IFI27L1: variants seen among roughly 807,000 people sequenced by gnomAD.
The protein encoded by IFI27L1 is interferon alpha inducible protein 27 like 1.
Under a neutral mutation model 9.2 loss-of-function variants are expected in IFI27L1, and 3 were observed. The observed-to-expected ratio is 0.32, with a 90% CI of 0.15 to 0.84. IFI27L1 has a LOEUF of 0.84. Ranked by LOEUF, IFI27L1 falls within the 40% of genes least tolerant of loss-of-function variation. The probability of loss-of-function intolerance (pLI) is 0.56; values close to 1 mark genes in which losing one functional copy is unlikely to be tolerated. For missense variants in IFI27L1, 133 were observed against 134.2 expected, an observed-to-expected ratio of 0.99 and a Z score of 0.05; for synonymous variants, 53 against 50.0, an observed-to-expected ratio of 1.06 and a Z score of -0.26.
chr14:94,101,791 C>T, intron 3 of IFI27L1, 23 bp from the exon 4 acceptor site: 1 of 1,613,704 alleles, frequency 6.2e-7, no homozygotes, highest in Non-Finnish European at 8.5e-7. Context: ...ATGGGGCCAA[C>T]CCCAAATCTC....
chr14:94,082,863 A>G (rs1285298063), intron 1 of IFI27L1, among the ~76,000 whole-genome samples: 3 of 152,246 alleles, frequency 2.0e-5, no homozygotes, highest in Non-Finnish European at 4.4e-5. Flanking sequence ...TGTTGTTTTC[A>G]TGTCTGTGAA....
At position 94,101,881 on chromosome 14, in the gene IFI27L1, A is replaced by G. The variant is rs1430609681; in HGVS notation, c.129A>G (p.Ala43=). ...GCTTCACCTCAGTAGGAATCGCCGC[A>G]TCCTCCATAGCAGCCAAGATGATGT... The part of the protein sequence containing the change: ...AMGFTSVGIA[A]SSIAAKMMST... Residue 43 remains alanine (A), a synonymous_variant, in exon 4 of 5, where the codon GCA becomes GCG. Coordinates refer to ENST00000555523, the MANE Select transcript of IFI27L1 (RefSeq NM_206949.3). 1 of 1,614,226 alleles carries G rather than the reference A, an allele frequency of 6.2e-7. No individual in the cohort carries two copies. The highest frequency in any genetic ancestry group is 2.2e-5 in the East Asian group (1 of 44,880).
intron 1 of IFI27L1, among the ~76,000 whole-genome samples, chr14:94,087,964 C>T (rs2141447330): frequency 6.6e-6 from 1 of 152,324 alleles, no homozygotes. Context: ...AGGATCACTA[C>T]TCCTTTCCTC....
intron 1 of IFI27L1, chr14:94,088,416 A>G: frequency 1.4e-6 from 1 of 693,210 alleles, no homozygotes; most frequent in Non-Finnish European, 2.6e-6. Context: ...TTGGTGGCCC[A>G]CTTTTAGGGT....
intron 1 of IFI27L1, among the ~76,000 whole-genome samples, chr14:94,085,529 T>G (rs1020675285): frequency 6.6e-6 from 1 of 152,150 alleles, no homozygotes; most frequent in Non-Finnish European, 1.5e-5. Context: ...AGGTGATAAG[T>G]TGGGGGAAAA....
chr14:94,086,049 TG>T (rs1374077692), intron 1 of IFI27L1, among the ~76,000 whole-genome samples: 7 of 152,342 alleles, frequency 4.6e-5, no homozygotes, highest in Admixed American at 1.3e-4. Flanking sequence ...TCCCCAATGC[TG>T]GAGTTGGGGT....
chr14:94,091,954 T>C (rs1326165064), intron 1 of IFI27L1, among the ~76,000 whole-genome samples: 3 of 151,500 alleles, frequency 2.0e-5, no homozygotes, highest in Non-Finnish European at 4.4e-5. Context: ...TGAAACCCTG[T>C]CTCTACTAAA....
chr14:94,084,737 C>T (rs1886222696), intron 1 of IFI27L1, among the ~76,000 whole-genome samples: 1 of 152,172 alleles, frequency 6.6e-6, no homozygotes, highest in Non-Finnish European at 1.5e-5. Context: ...TTGAGAGTAT[C>T]TGTCTAGTGA....
chr14:94,101,868 T>A lies in IFI27L1; in HGVS notation c.116T>A (p.Val39Glu). The A allele has an allele frequency of 6.2e-7, 1 of 1,614,200 alleles. No individual in the cohort carries two copies. Among genetic ancestry groups the A allele is most frequent in the Non-Finnish European group, 8.5e-7 (1 of 1,180,034 alleles). Residue 39 changes from valine (V) to glutamate (E), a missense_variant, in exon 4 of 5, where the codon GTA becomes GAA. Transcript: ENST00000555523. ...CTCAGTGCCATGGGCTTCACCTCAG[T>A]AGGAATCGCCGCATCCTCCATAGCA... is the stretch of plus-strand genomic sequence containing the variant. ...VALSAMGFTS[V>E]GIAASSIAAK...
intron 2 of IFI27L1, chr14:94,097,481 A>G: frequency 1.7e-6 from 1 of 599,676 alleles, no homozygotes; most frequent in Non-Finnish European, 3.0e-6. Context: ...TAATTCTGAC[A>G]ACTTTCATAG....
rs560181601 is a variant in IFI27L1 at position 94,082,518 on chromosome 14, A to C, written c.-52+1069A>C. Among the ~76,000 whole-genome samples, 74 of 152,374 alleles carry C rather than the reference A, an allele frequency of 4.9e-4. 1 individual carries two copies. The highest frequency in any genetic ancestry group is 1.6e-3 in the African/African-American group (68 of 41,584). On this transcript the variant is annotated intron_variant, in intron 1 of 4. Transcript: ENST00000555523. ...CCATCAAGGACTTTCATAGCTAGAG[A>C]GGTCAATGTCTGGCCTCAAAGGCCA...
In IFI27L1 at chr14:94,087,081, A is replaced by C. The variant is rs1218751763; in HGVS notation, c.-52+5632A>C. Among the ~76,000 whole-genome samples the C allele has an allele frequency of 2.6e-5, 4 of 152,334 alleles. No individual in the cohort carries two copies. The East Asian group carries it at 7.7e-4, about 29-fold the overall frequency. On this transcript the variant is annotated intron_variant, in intron 1 of 4. Coordinates refer to ENST00000555523, the MANE Select transcript of IFI27L1 (RefSeq NM_206949.3). ...TTTTAAAGGAAAAATGAAGACAATTATGTAATTGTTTTGAAGCCAGATTAG... is the reference window on the plus strand; with the variant it reads ...TTTTAAAGGAAAAATGAAGACAATTCTGTAATTGTTTTGAAGCCAGATTAG...
intron 1 of IFI27L1, among the ~76,000 whole-genome samples, chr14:94,091,280 A>C (rs958014301): frequency 3.3e-5 from 5 of 152,250 alleles, no homozygotes; most frequent in Admixed American, 3.3e-4. Context: ...CCGCTATTAT[A>C]GCCACAATTG....
At chr14:94,094,655 G>C (rs1203002775) in intron 1 of IFI27L1, 1 of 152,144 alleles carries the variant, frequency 6.6e-6, no homozygotes, top group African/African-American at 2.4e-5. Context: ...GCCATCCCTT[G>C]TTTAGCATAT....
chr14:94,082,452 T>C (rs927039581), intron 1 of IFI27L1, among the ~76,000 whole-genome samples: 2 of 151,680 alleles, frequency 1.3e-5, no homozygotes, highest in Non-Finnish European at 2.9e-5. Flanking sequence ...GAACAGCAAG[T>C]AGTCAATGTA....
chr14:94,081,639 ACG>A (rs368833756), intron 1 of IFI27L1, among the ~76,000 whole-genome samples, 190 bp downstream of exon 1: 1 of 152,288 alleles, frequency 6.6e-6, no homozygotes, highest in African/African-American at 2.4e-5. Context: ...AAGAGGACGA[ACG>A]CGTCCATCCT....
intron 2 of IFI27L1, chr14:94,100,114 A>C (rs938649746): frequency 2.3e-4 from 47 of 207,966 alleles, no homozygotes; most frequent in African/African-American, 1.1e-3. Context: ...ATAAGAACTG[A>C]AAGACACGTT....
rs868518564 is a variant in IFI27L1, at chr14:94,087,261, C to T, written c.-52+5812C>T. Among the ~76,000 whole-genome samples, 28 of 152,240 alleles carry T rather than the reference C, an allele frequency of 1.8e-4. 1 individual carries two copies. Among genetic ancestry groups the T allele is most frequent in the African/African-American group, 6.5e-4 (27 of 41,556 alleles). Reference sequence around the variant, plus strand: ...GGTAGTTTCTGGGCAGATGTGCTCACGGAAGTATTTTTTGTGTAAGGTTGT... The same window carrying T: ...GGTAGTTTCTGGGCAGATGTGCTCATGGAAGTATTTTTTGTGTAAGGTTGT... On this transcript the variant is annotated intron_variant, in intron 1 of 4. Transcript: ENST00000555523.
At chr14:94,099,556 G>A (rs560421796) in intron 2 of IFI27L1, among the ~76,000 whole-genome samples, 31 of 152,268 alleles carry the variant, frequency 2.0e-4, no homozygotes, top group African/African-American at 7.5e-4. Flanking sequence ...AGGCACAGGA[G>A]GACCCTCCCT....
Sources: allele counts gnomAD v4.1 joint callset (sites outside exome capture counted in the v4.1 genomes callset), GRCh38; gene constraint gnomAD v4.1.1; transcripts MANE v1.5; gene names NCBI Gene and HGNC (gene_info 2026-07-23, HGNC 2026-07-21).